LYN: variants seen among roughly 807,000 people sequenced by gnomAD.
The protein encoded by LYN is LYN proto-oncogene, Src family tyrosine kinase.
Under a neutral mutation model 65.0 loss-of-function variants are expected in LYN, and 12 were observed. The ratio of observed to expected loss-of-function variants is 0.18; its 90% CI spans 0.12 to 0.30. The LOEUF is 0.30. Ranked by LOEUF, LYN falls within the 10% of genes least tolerant of loss-of-function variation. LYN has a pLI of 1.00. For missense variants in LYN, 380 were observed against 623.2 expected (o/e 0.61, Z 4.16); for synonymous variants, 222 against 221.2 (o/e 1.00, Z -0.03).
intron 2 of LYN, among the ~76,000 whole-genome samples, chr8:55,945,883 G>T (rs1806761498): frequency 6.6e-6 from 1 of 152,202 alleles, no homozygotes; most frequent in African/African-American, 2.4e-5. Context: ...CCTCAGATGG[G>T]CAGTCCCAGG....
chr8:55,984,016 C>T (rs904623796), intron 10 of LYN, among the ~76,000 whole-genome samples: 4 of 152,104 alleles, frequency 2.6e-5, no homozygotes, highest in South Asian at 2.1e-4. Flanking sequence ...CTGGCAGCTC[C>T]GATGTTCCAT....
intron 12 of LYN, among the ~76,000 whole-genome samples, chr8:56,002,033 C>A (rs916302221): frequency 1.3e-4 from 20 of 152,304 alleles, no homozygotes; most frequent in Middle Eastern, 3.4e-3. Flanking sequence ...GTAATCCTAG[C>A]ACTTTGGGAG....
chr8:55,933,358 G>A (rs1563516765), intron 1 of LYN, among the ~76,000 whole-genome samples: 1 of 152,162 alleles, frequency 6.6e-6, no homozygotes, highest in Non-Finnish European at 1.5e-5. Context: ...TTTAACCAGT[G>A]ACCTATAATT....
chr8:55,883,006 C>T (rs560452430), intron 1 of LYN, among the ~76,000 whole-genome samples: 1 of 152,294 alleles, frequency 6.6e-6, no homozygotes, highest in South Asian at 2.1e-4. Context: ...TACACTTAAC[C>T]TACTAAACAT....
intron 10 of LYN, 81 bp from the exon 11 acceptor site, chr8:55,998,265 A>C: frequency 9.0e-7 from 1 of 1,106,396 alleles, no homozygotes; most frequent in Non-Finnish European, 1.3e-6. Flanking sequence ...TCAGGAATTC[A>C]TAAGTTTTCC....
chr8:55,979,284 C>A (rs1233332334), intron 10 of LYN, among the ~76,000 whole-genome samples: 5 of 152,134 alleles, frequency 3.3e-5, no homozygotes, highest in Non-Finnish European at 7.4e-5. Context: ...TCAGGTGATC[C>A]ACCCGCCTCG....
intron 9 of LYN, among the ~76,000 whole-genome samples, chr8:55,968,440 A>G (rs959504936): frequency 3.3e-5 from 5 of 152,102 alleles, no homozygotes; most frequent in African/African-American, 1.2e-4. Flanking sequence ...ATTTTTTAGT[A>G]GAGACAGAGT....
chr8:55,893,799 G>GTTTTGT, intron 1 of LYN: 1 of 150,896 alleles, frequency 6.6e-6, no homozygotes, highest in South Asian at 2.1e-4. Flanking sequence ...GTTTTGTTTT[G>GTTTTGT]TTTTTTTTTA....
At chr8:55,983,202 A>G (rs1182177071) in intron 10 of LYN, among the ~76,000 whole-genome samples, 1 of 151,916 alleles carries the variant, frequency 6.6e-6, no homozygotes, top group Non-Finnish European at 1.5e-5. Flanking sequence ...GCCTGCTAGA[A>G]ACAATGCCCC....
At chr8:55,957,044 T>TA (rs1803588843) in intron 8 of LYN, among the ~76,000 whole-genome samples, 1 of 152,206 alleles carries the variant, frequency 6.6e-6, no homozygotes, top group African/African-American at 2.4e-5. Context: ...ATAAGCAACT[T>TA]ACTCAAGGTC....
At position 56,009,408 on chromosome 8, in the gene LYN, G is replaced by A. The variant is rs527477967; in HGVS notation, c.1337-500G>A. ...GCTTCTATATTAGTTGGCAAGGGCT[G>A]CCATAACAATACAACACACTGGGTA... On this transcript the variant is annotated intron_variant, in intron 12 of 12. Coordinates refer to ENST00000519728, the MANE Select transcript of LYN (RefSeq NM_002350.4). Among the ~76,000 whole-genome samples, 4 of 152,308 alleles carry A rather than the reference G, an allele frequency of 2.6e-5. No individual in the cohort carries two copies. In the South Asian group the frequency reaches 8.3e-4, roughly 32 times the overall value.
At chr8:55,949,076 T>G (rs1281239539) in intron 4 of LYN, among the ~76,000 whole-genome samples, 2 of 152,220 alleles carry the variant, frequency 1.3e-5, no homozygotes, top group African/African-American at 4.8e-5. Context: ...CCTGGCTCCA[T>G]GCCTGCCTTT....
intron 6 of LYN, among the ~76,000 whole-genome samples, chr8:55,951,441 A>G (rs2130493720): frequency 6.6e-6 from 1 of 151,602 alleles, no homozygotes; most frequent in Middle Eastern, 3.5e-3. Context: ...CGAGACTGAG[A>G]ATCACTTGAA....
intron 12 of LYN, among the ~76,000 whole-genome samples, chr8:56,003,928 CTTTT>C (rs1213079280): frequency 1.9e-5 from 2 of 104,696 alleles, no homozygotes; most frequent in African/African-American, 3.4e-5. Flanking sequence ...ATATTTTATT[CTTTT>C]TTTTTTTTTT....
chr8:55,972,793 A>G (rs1457835849), intron 10 of LYN, among the ~76,000 whole-genome samples: 2 of 152,194 alleles, frequency 1.3e-5, no homozygotes, highest in East Asian at 1.9e-4. Context: ...AACCTTTTCT[A>G]TACCTTCCCC....
intron 10 of LYN, among the ~76,000 whole-genome samples, chr8:55,993,153 T>G (rs530688953): frequency 3.4e-4 from 52 of 152,336 alleles, no homozygotes; most frequent in African/African-American, 1.3e-3. Flanking sequence ...TAAGGATGCC[T>G]TAACTTTAAA....
chr8:55,901,145 A>C (rs1388644378), intron 1 of LYN, among the ~76,000 whole-genome samples: 1 of 152,178 alleles, frequency 6.6e-6, no homozygotes, highest in Non-Finnish European at 1.5e-5. Flanking sequence ...TATGATGTTC[A>C]TAATGCTTTT....
intron 10 of LYN, among the ~76,000 whole-genome samples, chr8:55,991,606 C>A (rs760195354): frequency 6.6e-6 from 1 of 152,092 alleles, no homozygotes; most frequent in Non-Finnish European, 1.5e-5. Context: ...CCCCCACCCC[C>A]AGGATTTGCT....
chr8:55,911,273 ATATATATATATATT>A (rs1364414346), intron 1 of LYN, among the ~76,000 whole-genome samples: 3 of 45,322 alleles, frequency 6.6e-5, no homozygotes, highest in Admixed American at 3.0e-4. Context: ...ATATATATAT[ATATATATATATATT>A]TTTTTTTTTT....
Sources: allele counts gnomAD v4.1 joint callset (sites outside exome capture counted in the v4.1 genomes callset), GRCh38; gene constraint gnomAD v4.1.1; transcripts MANE v1.5; gene names NCBI Gene and HGNC (gene_info 2026-07-23, HGNC 2026-07-21).